PPARGC1B: variants seen among roughly 807,000 people sequenced by gnomAD.
PPARGC1B encodes the protein PPARG coactivator 1 beta.
Under a neutral mutation model 101.6 loss-of-function variants are expected in PPARGC1B, and 34 were observed. That is an observed-to-expected ratio of 0.33 (90% CI 0.25 to 0.45). The LOEUF is 0.45. Among genes scored for constraint, PPARGC1B ranks in the 20% least tolerant of loss-of-function variants. The pLI is 1.00. For missense variants in PPARGC1B, 1,234 were observed against 1,317.6 expected (o/e 0.94, Z 0.98); for synonymous variants, 548 against 539.3 (o/e 1.02, Z -0.22).
Position 149,735,283 on chromosome 5 carries a change from GC to G in PPARGC1B, c.78+4867del, listed in dbSNP as rs750463033. Among the ~76,000 whole-genome samples, 5 of 152,260 alleles carry G rather than the reference GC, an allele frequency of 3.3e-5. No homozygotes were observed. The East Asian group carries it at 9.7e-4, about 29-fold the overall frequency. On this transcript the variant is annotated intron_variant, in intron 1 of 11. Coordinates refer to ENST00000309241, the MANE Select transcript of PPARGC1B (RefSeq NM_133263.4). ...GGAAGGGCAATGGCCCAGCAGCTGT[GC>G]CCCACGGGCTCATATTTCCTCTTTA...
chr5:149,741,841 G>A (rs141028342), intron 1 of PPARGC1B, among the ~76,000 whole-genome samples: 2,114 of 152,090 alleles, frequency 0.014, 41 homozygotes, highest in African/African-American at 0.049. Context: ...TGTTGGCTAG[G>A]CTGGTCTTGA....
chr5:149,772,137 A>G (rs1756155873), intron 1 of PPARGC1B: 2 of 1,604,570 alleles, frequency 1.2e-6, no homozygotes, highest in Middle Eastern at 1.7e-4. Context: ...CACCAGAGCA[A>G]TGGTAGGTGT....
At chr5:149,748,055 A>G (rs527738616) in intron 1 of PPARGC1B, among the ~76,000 whole-genome samples, 2 of 152,266 alleles carry the variant, frequency 1.3e-5, no homozygotes, top group South Asian at 4.1e-4. Flanking sequence ...CTGGCCTGCC[A>G]GAAGATTTTC....
At chr5:149,795,262 G>T (rs752836884) in intron 1 of PPARGC1B, among the ~76,000 whole-genome samples, 5 of 152,182 alleles carry the variant, frequency 3.3e-5, no homozygotes, top group Non-Finnish European at 7.3e-5. Context: ...TACCTACTTA[G>T]TTGGGTGTCT....
chr5:149,789,852 C>A (rs1355404668), intron 1 of PPARGC1B, among the ~76,000 whole-genome samples: 1 of 152,204 alleles, frequency 6.6e-6, no homozygotes. Flanking sequence ...AACCCAGTCC[C>A]TCATGAAAAT....
intron 1 of PPARGC1B, among the ~76,000 whole-genome samples, chr5:149,812,075 G>C (rs1581083558): frequency 6.6e-6 from 1 of 152,228 alleles, no homozygotes; most frequent in East Asian, 1.9e-4. Context: ...GGCTGTGAAG[G>C]GCTGAGAATC....
At chr5:149,778,145 A>AACACAC (rs60606878) in intron 1 of PPARGC1B, among the ~76,000 whole-genome samples, 18 of 100,688 alleles carry the variant, frequency 1.8e-4, no homozygotes, top group African/African-American at 6.0e-4. Context: ...ATGGAGCAGC[A>AACACAC]ACACACACAC....
At position 149,838,685 on chromosome 5, in the gene PPARGC1B, A is replaced by C. The variant is rs557719183; in HGVS notation, c.2619-1356A>C. ...GGGAAGAGTCGAGAACTTCTCTAGA[A>C]ACCCCCATGGATTTTCCTTTTTCTC... On this transcript the variant is annotated intron_variant, in intron 8 of 11. Transcript: ENST00000309241. 1.1e-4 allele frequency among the ~76,000 whole-genome samples: 16 copies of C among 152,280 alleles called. No individual in the cohort carries two copies. The South Asian group carries it at 3.3e-3, about 32-fold the overall frequency.
chr5:149,734,188 G>A (rs1754603401), intron 1 of PPARGC1B, among the ~76,000 whole-genome samples: 1 of 149,166 alleles, frequency 6.7e-6, no homozygotes, highest in Non-Finnish European at 1.5e-5. Flanking sequence ...TGGGCGTGGT[G>A]ACACACACCT....
chr5:149,754,256 G>A (rs377623266), intron 1 of PPARGC1B, among the ~76,000 whole-genome samples: 4 of 152,018 alleles, frequency 2.6e-5, no homozygotes, highest in African/African-American at 7.3e-5. Flanking sequence ...TTTCTGATTC[G>A]TGTGTTGAGC....
intron 1 of PPARGC1B, among the ~76,000 whole-genome samples, chr5:149,802,832 G>T (rs1467350428): frequency 6.6e-6 from 1 of 152,120 alleles, no homozygotes; most frequent in Non-Finnish European, 1.5e-5. Context: ...TCTGATTCAG[G>T]AGGTCTGGGA....
At chr5:149,742,293 C>T (rs1754940065) in intron 1 of PPARGC1B, among the ~76,000 whole-genome samples, 2 of 152,202 alleles carry the variant, frequency 1.3e-5, no homozygotes, top group South Asian at 4.1e-4. Flanking sequence ...TGCCCCTCTC[C>T]CATCTGCACC....
rs1759797895 is a variant in PPARGC1B at position 149,852,342 on chromosome 5, C to T, written c.*4784C>T. On this transcript the variant is annotated 3_prime_UTR_variant, in exon 12 of 12. Transcript: ENST00000309241. ...ATGAGCATTAAAGTCCCTTTCACCT[C>T]TGAGAGGCTCAGATCCCCAACCAGG... 2 of 152,176 alleles carry T rather than the reference C, an allele frequency of 1.3e-5. No homozygotes were observed. Among genetic ancestry groups the T allele is most frequent in the African/African-American group, 4.8e-5 (2 of 41,456 alleles). 9.4% of individuals were successfully genotyped at this position (152,176 alleles called of 1,614,324 possible).
chr5:149,845,923 CT>C lies in PPARGC1B; in HGVS notation c.2971+10del. ...CAGATACACTGACTACGGTAAGCCC[CT>C]GAAACCCAGCCACAGTCTAGTAAGA... On this transcript the variant is annotated intron_variant, in intron 11 of 11. Coordinates refer to ENST00000309241, the MANE Select transcript of PPARGC1B (RefSeq NM_133263.4). 1 of 1,614,234 alleles carries C rather than the reference CT, an allele frequency of 6.2e-7. No homozygotes were observed. Among genetic ancestry groups the C allele is most frequent in the Admixed American group, 1.7e-5 (1 of 60,036 alleles).
At chr5:149,820,718 C>A in intron 2 of PPARGC1B, 112 bp downstream of exon 2, 2 of 1,103,620 alleles carry the variant, frequency 1.8e-6, no homozygotes, top group South Asian at 1.5e-5. Context: ...AGAGAAATCC[C>A]CTCACCCACC....
chr5:149,763,110 G>A (rs1755775012), intron 1 of PPARGC1B, among the ~76,000 whole-genome samples: 1 of 152,096 alleles, frequency 6.6e-6, no homozygotes, highest in African/African-American at 2.4e-5. Context: ...GCACCTTCAG[G>A]TCCCTTGAGA....
chr5:149,751,371 T>G (rs1197533722), intron 1 of PPARGC1B, among the ~76,000 whole-genome samples: 2 of 152,210 alleles, frequency 1.3e-5, no homozygotes, highest in Non-Finnish European at 2.9e-5. Flanking sequence ...CATTAATTTA[T>G]TGAAATGTGA....
At chr5:149,792,892 A>C (rs1194301569) in intron 1 of PPARGC1B, among the ~76,000 whole-genome samples, 3 of 152,052 alleles carry the variant, frequency 2.0e-5, no homozygotes, top group African/African-American at 7.2e-5. Context: ...GTATGGAAAA[A>C]ATGCAACTTC....
intron 1 of PPARGC1B, among the ~76,000 whole-genome samples, chr5:149,748,125 G>A (rs929433436): frequency 2.6e-5 from 4 of 152,136 alleles, no homozygotes; most frequent in Non-Finnish European, 5.9e-5. Flanking sequence ...CAGGTGATGA[G>A]CACAGCCCAG....
Sources: allele counts gnomAD v4.1 joint callset (sites outside exome capture counted in the v4.1 genomes callset), GRCh38; gene constraint gnomAD v4.1.1; transcripts MANE v1.5; gene names NCBI Gene and HGNC (gene_info 2026-07-23, HGNC 2026-07-21).